LINGO2: variants seen among roughly 807,000 people sequenced by gnomAD.
The protein encoded by LINGO2 is leucine-rich repeat and immunoglobulin-like domain-containing nogo receptor-interacting protein 2.
LINGO2 carries 14 observed loss-of-function variants against 30.6 expected under a neutral mutation model. The observed-to-expected ratio is 0.46, with a 90% CI of 0.30 to 0.72. The LOEUF (loss-of-function observed/expected upper bound fraction) is 0.72, where lower values mean the gene tolerates loss of function less well. Ranked by LOEUF, LINGO2 falls within the 30% of genes least tolerant of loss-of-function variation. The pLI, the probability that LINGO2 is intolerant of heterozygous loss-of-function variation, is 0.07. For missense variants in LINGO2, 729 were observed against 751.7 expected (o/e 0.97, Z 0.35); for synonymous variants, 317 against 288.5 (o/e 1.10, Z -1.00).
At chr9:28,301,326 C>T (rs542046994) in intron 3 of LINGO2, among the ~76,000 whole-genome samples, 1 of 151,816 alleles carries the variant, frequency 6.6e-6, no homozygotes, top group South Asian at 2.1e-4. Context: ...TAGTATAGGT[C>T]CCATTTCCAC....
chr9:27,945,152 G>A (rs558843395), downstream of LINGO2, among the ~76,000 whole-genome samples: 33 of 152,186 alleles, frequency 2.2e-4, no homozygotes, highest in East Asian at 5.4e-3. Flanking sequence ...TCTTGACACA[G>A]AGATGAAGAG....
the LINGO2 span, among the ~76,000 whole-genome samples, chr9:29,033,712 A>G: frequency 6.6e-6 from 1 of 152,102 alleles, no homozygotes; most frequent in Non-Finnish European, 1.5e-5. Flanking sequence ...CTAAAAAAAA[A>G]ATAAGTGTTT....
chr9:28,544,307 T>TA (rs1317565042), intron 1 of LINGO2, among the ~76,000 whole-genome samples: 7 of 152,314 alleles, frequency 4.6e-5, no homozygotes, highest in African/African-American at 1.7e-4. Context: ...GCCAGTTCTG[T>TA]AATCTGAGAC....
At chr9:28,515,498 G>A (rs374188323) in intron 1 of LINGO2, among the ~76,000 whole-genome samples, 9 of 152,162 alleles carry the variant, frequency 5.9e-5, no homozygotes, top group East Asian at 1.9e-4. Context: ...GAACCGCTGC[G>A]CCTGGCCAAG....
At chr9:29,021,526 G>C in the LINGO2 span, among the ~76,000 whole-genome samples, 1 of 151,948 alleles carries the variant, frequency 6.6e-6, no homozygotes, top group Non-Finnish European at 1.5e-5. Flanking sequence ...ACGTGGTGGT[G>C]GGCACCTATA....
chr9:29,104,004 T>G, the LINGO2 span, among the ~76,000 whole-genome samples: 7 of 152,276 alleles, frequency 4.6e-5, no homozygotes, highest in Admixed American at 4.6e-4. Flanking sequence ...AGGATTAAAT[T>G]AGCTTGTGCA....
the LINGO2 span, among the ~76,000 whole-genome samples, chr9:28,985,928 G>A: frequency 2.0e-5 from 3 of 152,000 alleles, no homozygotes; most frequent in South Asian, 6.2e-4. Context: ...AATAAAAAAA[G>A]TTACTGCCCA....
the LINGO2 span, among the ~76,000 whole-genome samples, chr9:28,725,314 A>C: frequency 3.9e-5 from 6 of 151,970 alleles, no homozygotes; most frequent in Admixed American, 3.9e-4. Flanking sequence ...TATTAGAAAT[A>C]AAATATGTAA....
chr9:29,199,520 GTCAGAGGCAGCA>G, the LINGO2 span, among the ~76,000 whole-genome samples: 1 of 150,976 alleles, frequency 6.6e-6, no homozygotes, highest in Non-Finnish European at 1.5e-5. Context: ...CCCTAGAAGA[GTCAGAGGCAGCA>G]TCCTTGAACA....
intron 1 of LINGO2, among the ~76,000 whole-genome samples, chr9:28,639,102 T>C (rs1588006145): frequency 6.6e-6 from 1 of 152,310 alleles, no homozygotes; most frequent in Non-Finnish European, 1.5e-5. Flanking sequence ...AGGAGCAGGT[T>C]GTTCAGTTTC....
chr9:28,250,687 C>T (rs1822166397), intron 4 of LINGO2, among the ~76,000 whole-genome samples: 1 of 152,216 alleles, frequency 6.6e-6, no homozygotes, highest in African/African-American at 2.4e-5. Context: ...CTCACCAGAG[C>T]TACGCTATAG....
chr9:28,650,591 T>C (rs1828052057), intron 1 of LINGO2, among the ~76,000 whole-genome samples: 1 of 152,108 alleles, frequency 6.6e-6, no homozygotes, highest in African/African-American at 2.4e-5. Context: ...AATTTGCAAA[T>C]TCTTTGTGCT....
At chr9:28,636,142 AAG>A (rs1401969509) in intron 1 of LINGO2, among the ~76,000 whole-genome samples, 2 of 152,130 alleles carry the variant, frequency 1.3e-5, no homozygotes, top group Non-Finnish European at 2.9e-5. Context: ...TGTCCCTACA[AAG>A]GACATGAACT....
intron 5 of LINGO2, among the ~76,000 whole-genome samples, chr9:28,006,389 G>T (rs1822268978): frequency 6.6e-6 from 1 of 152,060 alleles, no homozygotes; most frequent in Admixed American, 6.6e-5. Flanking sequence ...AGGAATAGTG[G>T]AGATTGCCTT....
At chr9:28,529,446 C>A (rs982041878) in intron 1 of LINGO2, among the ~76,000 whole-genome samples, 1 of 151,948 alleles carries the variant, frequency 6.6e-6, no homozygotes, top group Non-Finnish European at 1.5e-5. Flanking sequence ...TCTGTTATCC[C>A]TTAATATATT....
At chr9:28,997,832 C>A in the LINGO2 span, among the ~76,000 whole-genome samples, 5 of 83,706 alleles carry the variant, frequency 6.0e-5, no homozygotes, top group Admixed American at 3.0e-4. Context: ...CAAAAAAAAA[C>A]AAAACAAAAC....
intron 5 of LINGO2, among the ~76,000 whole-genome samples, chr9:28,005,025 A>AG (rs1195870683): frequency 6.6e-6 from 1 of 152,202 alleles, no homozygotes; most frequent in East Asian, 1.9e-4. Flanking sequence ...ACGCAAGAAG[A>AG]GGGGAAATGT....
At chr9:28,729,039 G>A in the LINGO2 span, among the ~76,000 whole-genome samples, 1 of 152,096 alleles carries the variant, frequency 6.6e-6, no homozygotes, top group Admixed American at 6.6e-5. Flanking sequence ...TAGACTGGGG[G>A]ACTGGCAGGA....
upstream of LINGO2, among the ~76,000 whole-genome samples, chr9:28,671,764 G>A (rs1022862879): frequency 4.6e-5 from 7 of 151,938 alleles, no homozygotes; most frequent in East Asian, 3.9e-4. Flanking sequence ...AAACCTGAAC[G>A]TGTACCCCAA....
Sources: allele counts gnomAD v4.1 joint callset (sites outside exome capture counted in the v4.1 genomes callset), GRCh38; gene constraint gnomAD v4.1.1; transcripts MANE v1.5; gene names NCBI Gene and HGNC (gene_info 2026-07-23, HGNC 2026-07-21).